ITPR2: variants seen among roughly 807,000 people sequenced by gnomAD.
ITPR2 encodes the protein inositol 1,4,5-trisphosphate receptor type 2.
In ITPR2, 207 loss-of-function variants were observed where a neutral mutation model predicts 317.1. That is an observed-to-expected ratio of 0.65 (90% confidence interval 0.58 to 0.73). The LOEUF (loss-of-function observed/expected upper bound fraction) is 0.73. ITPR2 is among the 30% of genes least tolerant of loss of function. ITPR2 has a pLI of 0.00. For missense variants in ITPR2, 2,613 were observed against 3,284.0 expected (o/e 0.80, Z 4.99); for synonymous variants, 1,156 against 1,149.1 (o/e 1.01, Z -0.12).
chr12:26,591,941 T>C (rs140915245), intron 32 of ITPR2, among the ~76,000 whole-genome samples: 247 of 152,310 alleles, frequency 1.6e-3, no homozygotes, highest in Middle Eastern at 3.4e-3. Flanking sequence ...AAGAGATATC[T>C]GCACTCCCAT....
At chr12:26,603,312 G>C (rs970327430) in intron 26 of ITPR2, among the ~76,000 whole-genome samples, 1 of 152,108 alleles carries the variant, frequency 6.6e-6, no homozygotes, top group Admixed American at 6.5e-5. Context: ...AATTAATAAA[G>C]CTTATTAAGA....
chr12:26,410,543 T>C (rs1331029312), intron 52 of ITPR2, among the ~76,000 whole-genome samples: 1 of 152,192 alleles, frequency 6.6e-6, no homozygotes, highest in African/African-American at 2.4e-5. Context: ...TGCTTAACTC[T>C]TTCTTCCCTT....
intron 21 of ITPR2, among the ~76,000 whole-genome samples, chr12:26,641,246 A>G (rs1268174235): frequency 6.6e-6 from 1 of 152,146 alleles, no homozygotes; most frequent in Non-Finnish European, 1.5e-5. Flanking sequence ...TTAAAAAAAA[A>G]AAAAATCTCT....
At chr12:26,478,441 G>C (rs1942465360) in intron 43 of ITPR2, among the ~76,000 whole-genome samples, 1 of 151,926 alleles carries the variant, frequency 6.6e-6, no homozygotes, top group Non-Finnish European at 1.5e-5. Context: ...AATCTGAACA[G>C]ACCTCCATGG....
chr12:26,728,468 A>G (rs1565722227), intron 2 of ITPR2, among the ~76,000 whole-genome samples: 1 of 152,164 alleles, frequency 6.6e-6, no homozygotes, highest in Non-Finnish European at 1.5e-5. Flanking sequence ...ATCTCATTTT[A>G]TATTACAGTA....
rs764265001 is a variant in ITPR2 at position 26,695,668 on chromosome 12, A to C, written c.952-18T>G. The C allele has an allele frequency of 2.5e-6, 4 of 1,604,142 alleles. No homozygotes were observed. Among genetic ancestry groups the C allele is most frequent in the Non-Finnish European group, 3.4e-6 (4 of 1,171,402 alleles). ...GGATTAAGCTAGAAAAACAAAGGAA[A>C]ATTTAGTTTTTCATTGCTATGAAAA... is the stretch of plus-strand genomic sequence containing the variant. On this transcript the variant is annotated intron_variant, in intron 9 of 56. Coordinates refer to ENST00000381340, the MANE Select transcript of ITPR2 (RefSeq NM_002223.4).
chr12:26,670,172 G>C (rs1947728397), intron 13 of ITPR2, among the ~76,000 whole-genome samples: 1 of 152,166 alleles, frequency 6.6e-6, no homozygotes, highest in Non-Finnish European at 1.5e-5. Flanking sequence ...AAATGTCCCT[G>C]TCTGACAGCT....
chr12:26,451,169 C>T (rs928495860), intron 45 of ITPR2, among the ~76,000 whole-genome samples: 1 of 151,978 alleles, frequency 6.6e-6, no homozygotes, highest in African/African-American at 2.4e-5. Context: ...GAAAGCACAA[C>T]CAAGAGGAAA....
intron 34 of ITPR2, among the ~76,000 whole-genome samples, chr12:26,577,320 G>A (rs2137068107): frequency 6.6e-6 from 1 of 152,370 alleles, no homozygotes; most frequent in Middle Eastern, 3.4e-3. Flanking sequence ...GGGCTCTGAG[G>A]TGAGGAGGGT....
intron 1 of ITPR2, among the ~76,000 whole-genome samples, chr12:26,827,105 T>C (rs1269046515): frequency 1.3e-5 from 2 of 152,180 alleles, no homozygotes; most frequent in African/African-American, 4.8e-5. Context: ...CCTTAAGACA[T>C]GCCAGTAGAA....
intron 37 of ITPR2, among the ~76,000 whole-genome samples, chr12:26,499,757 G>T (rs760034341): frequency 1.3e-5 from 2 of 152,238 alleles, no homozygotes; most frequent in Middle Eastern, 6.8e-3. Context: ...TTAAGAAAAT[G>T]TGAAAAATAA....
intron 55 of ITPR2, among the ~76,000 whole-genome samples, chr12:26,356,243 T>C (rs1938632455): frequency 6.6e-6 from 1 of 152,156 alleles, no homozygotes; most frequent in Non-Finnish European, 1.5e-5. Flanking sequence ...GCTAGATGGG[T>C]CCCAGACCAC....
rs374353731 is a variant in ITPR2 at position 26,349,406 on chromosome 12, A to T, written c.7858-9078T>A. Among the ~76,000 whole-genome samples the T allele has an allele frequency of 1.3e-5, 2 of 152,354 alleles. 1 individual carries two copies. The highest frequency in any genetic ancestry group is 4.8e-5 in the African/African-American group (2 of 41,582). On this transcript the variant is annotated intron_variant, in intron 55 of 56. Coordinates refer to ENST00000381340, the MANE Select transcript of ITPR2 (RefSeq NM_002223.4). The stretch of plus-strand genomic sequence containing the variant: ...TGTTAGATTCCTGTAAATGTGGTGC[A>T]GTACCAAATTTGTGTGGATTGAGAA...
At chr12:26,491,435 A>T (rs1044565764) in intron 39 of ITPR2, among the ~76,000 whole-genome samples, 4 of 138,460 alleles carry the variant, frequency 2.9e-5, no homozygotes, top group Non-Finnish European at 3.1e-5. Context: ...GTGAGCCGAG[A>T]TTACACCACT....
chr12:26,335,362 C>T lies in ITPR2; in HGVS notation c.*4035G>A, dbSNP rs1937886656. The stretch of plus-strand genomic sequence containing the variant: ...TTGCAAACAAAAAAGTTATACACAT[C>T]CAATTTTATTAACATTCACTTATAA... On this transcript the variant is annotated 3_prime_UTR_variant, in exon 57 of 57. Transcript: ENST00000381340. 6.6e-6 allele frequency among the ~76,000 whole-genome samples: 1 copy of T among 152,204 alleles called. No individual in the cohort carries two copies. The highest frequency in any genetic ancestry group is 2.1e-4 in the South Asian group (1 of 4,834).
At chr12:26,605,178 A>G (rs944748121) in intron 26 of ITPR2, among the ~76,000 whole-genome samples, 3 of 150,862 alleles carry the variant, frequency 2.0e-5, no homozygotes, top group Non-Finnish European at 3.0e-5. Flanking sequence ...AGTAAAGCCA[A>G]TGTAGAAGAG....
At chr12:26,781,475 G>A (rs948332224) in intron 2 of ITPR2, among the ~76,000 whole-genome samples, 1 of 152,130 alleles carries the variant, frequency 6.6e-6, no homozygotes, top group Non-Finnish European at 1.5e-5. Flanking sequence ...TTAACTTTAT[G>A]TAATAGTATT....
At position 26,337,418 on chromosome 12, in the gene ITPR2, A is replaced by G. The variant is rs530445303; in HGVS notation, c.*1979T>C. 5.9e-5 allele frequency: 9 copies of G among 152,232 alleles called. No homozygotes were observed. The highest frequency in any genetic ancestry group is 1.3e-4 in the Non-Finnish European group (9 of 68,032). The allele number at this position is 152,232 out of a possible 1,614,324, so 9.4% of individuals were successfully genotyped here. A position where few individuals can be genotyped will look rare whatever the true frequency, so the allele number is the denominator to read the frequency against. On this transcript the variant is annotated 3_prime_UTR_variant, in exon 57 of 57. Coordinates refer to ENST00000381340, the MANE Select transcript of ITPR2 (RefSeq NM_002223.4). ...TACCTTTCTCTTCTATTCTCTATCCATAAAACTCTGCCTGATTAAAATATT... is the reference window on the plus strand; with the variant it reads ...TACCTTTCTCTTCTATTCTCTATCCGTAAAACTCTGCCTGATTAAAATATT...
intron 48 of ITPR2, among the ~76,000 whole-genome samples, chr12:26,434,246 T>A (rs1278322675): frequency 6.6e-6 from 1 of 152,144 alleles, no homozygotes; most frequent in African/African-American, 2.4e-5. Flanking sequence ...AGTTTCTTCA[T>A]CCATAAGGAT....
Sources: gnomAD v4.1 joint callset for allele counts (sites outside exome capture counted in the v4.1 genomes callset) on GRCh38, gnomAD v4.1.1 for gene constraint, MANE v1.5 for transcripts, NCBI Gene and HGNC (gene_info 2026-07-23, HGNC 2026-07-21) for gene names.